Variants in BMPER observed in about 807,000 individuals in gnomAD.
BMPER encodes BMP binding endothelial regulator, also known as BMP-binding endothelial regulator protein.
Under a neutral mutation model 87.3 loss-of-function variants are expected in BMPER, and 45 were observed. The ratio of observed to expected loss-of-function variants is 0.52; its 90% confidence interval spans 0.41 to 0.66. The LOEUF is 0.66. BMPER is among the 30% of genes least tolerant of loss of function. The pLI is 0.00. For synonymous variants in BMPER, 326 were observed against 316.2 expected (o/e 1.03, Z -0.33); for missense variants, 784 against 867.5 (o/e 0.90, Z 1.21).
chr7:33,972,975 A>G (rs1365239360), intron 5 of BMPER, among the ~76,000 whole-genome samples: 1 of 152,178 alleles, frequency 6.6e-6, no homozygotes, highest in Admixed American at 6.5e-5. Flanking sequence ...TTCCTTGGTC[A>G]CTCAGAAGGA....
intron 6 of BMPER, among the ~76,000 whole-genome samples, chr7:33,990,992 T>G (rs1786196787): frequency 7.3e-6 from 1 of 137,796 alleles, no homozygotes; most frequent in Non-Finnish European, 1.6e-5. Context: ...GATAAGCTTT[T>G]TGATGTGCTG....
chr7:33,981,107 C>G (rs565524130), intron 6 of BMPER, among the ~76,000 whole-genome samples: 33 of 152,320 alleles, frequency 2.2e-4, no homozygotes, highest in Non-Finnish European at 4.6e-4. Context: ...TCTGGCCACT[C>G]TGGCCTTCAG....
intron 6 of BMPER, among the ~76,000 whole-genome samples, chr7:34,019,328 C>G (rs958056446): frequency 6.6e-6 from 1 of 152,030 alleles, no homozygotes; most frequent in Non-Finnish European, 1.5e-5. Context: ...AGGCTAGGAG[C>G]CATTCTCTCG....
intron 1 of BMPER, among the ~76,000 whole-genome samples, chr7:33,906,489 G>A (rs1042526018): frequency 7.2e-5 from 11 of 151,938 alleles, no homozygotes; most frequent in Admixed American, 5.9e-4. Flanking sequence ...TTTGCGTATG[G>A]GGCTGTGTGC....
At chr7:33,921,721 G>A in intron 2 of BMPER, 3 of 471,042 alleles carry the variant, frequency 6.4e-6, no homozygotes, top group Non-Finnish European at 1.3e-5. Context: ...GTCTTTCTGG[G>A]ATGGGTAGCA....
intron 2 of BMPER, among the ~76,000 whole-genome samples, chr7:33,936,051 C>G (rs1037714119): frequency 7.3e-5 from 11 of 151,382 alleles, no homozygotes; most frequent in Admixed American, 7.2e-4. Flanking sequence ...ACATGCACAC[C>G]CACACACACA....
chr7:33,950,535 C>T (rs1477719246), intron 3 of BMPER, among the ~76,000 whole-genome samples: 1 of 152,166 alleles, frequency 6.6e-6, no homozygotes, highest in Non-Finnish European at 1.5e-5. Context: ...CTCTTCTAAG[C>T]TCACGTGGCT....
intron 5 of BMPER, among the ~76,000 whole-genome samples, chr7:33,973,880 C>T (rs761769247): frequency 6.6e-6 from 1 of 152,082 alleles, no homozygotes; most frequent in Non-Finnish European, 1.5e-5. Context: ...GTTTGTGCAT[C>T]GTGCCATTTA....
intron 6 of BMPER, among the ~76,000 whole-genome samples, chr7:34,007,270 T>C (rs1443855192): frequency 6.6e-6 from 1 of 152,086 alleles, no homozygotes; most frequent in Admixed American, 6.6e-5. Flanking sequence ...TTCCTGTACT[T>C]TGCTCTTAAG....
chr7:34,114,886 A>G (rs2127987386), intron 13 of BMPER, among the ~76,000 whole-genome samples: 1 of 152,386 alleles, frequency 6.6e-6, no homozygotes, highest in East Asian at 1.9e-4. Context: ...GGTTGGAGAG[A>G]TGGCCCAGGC....
At chr7:33,994,339 C>A (rs1043477893) in intron 6 of BMPER, among the ~76,000 whole-genome samples, 4 of 152,222 alleles carry the variant, frequency 2.6e-5, no homozygotes, top group East Asian at 1.9e-4. Context: ...GTTTTTTAAG[C>A]CCGTCGGAAA....
intron 2 of BMPER, among the ~76,000 whole-genome samples, chr7:33,920,495 G>A (rs7790049): frequency 0.048 from 6,577 of 137,228 alleles, 202 homozygotes; most frequent in Middle Eastern, 0.12. Context: ...GTGCGATCTC[G>A]GCTTACTGCA....
At chr7:34,077,413 A>C (rs1487343980) in intron 11 of BMPER, among the ~76,000 whole-genome samples, 3 of 152,134 alleles carry the variant, frequency 2.0e-5, no homozygotes, top group Non-Finnish European at 2.9e-5. Flanking sequence ...GGTGAATTTG[A>C]GTATTACTGC....
rs528284896 is a variant in BMPER at position 33,935,913 on chromosome 7, G to A, written c.220-1376G>A. On this transcript the variant is annotated intron_variant, in intron 2 of 14. Coordinates refer to ENST00000649409, the MANE Select transcript of BMPER (RefSeq NM_001365308.1). The stretch of plus-strand genomic sequence containing the variant: ...GCTTATTGTTTCTGTGCCTCAGTTG[G>A]CCTTGCAAAAGCCACGAGGGCAGGG... Among the ~76,000 whole-genome samples, 6 of 152,274 alleles carry A rather than the reference G, an allele frequency of 3.9e-5. No individual in the cohort carries two copies. In the East Asian group the frequency reaches 7.7e-4, roughly 20 times the overall value.
intron 6 of BMPER, among the ~76,000 whole-genome samples, chr7:34,043,572 G>T (rs912425758): frequency 6.6e-6 from 1 of 152,130 alleles, no homozygotes; most frequent in Non-Finnish European, 1.5e-5. Flanking sequence ...TAGCTCGAGT[G>T]GGTTGAACTT....
intron 13 of BMPER, among the ~76,000 whole-genome samples, chr7:34,106,107 G>A (rs888533878): frequency 6.6e-6 from 1 of 152,090 alleles, no homozygotes; most frequent in African/African-American, 2.4e-5. Flanking sequence ...GCTCTACTGG[G>A]GGCACACTCC....
chr7:34,080,038 A>C (rs774420083), intron 12 of BMPER, among the ~76,000 whole-genome samples: 1 of 152,188 alleles, frequency 6.6e-6, no homozygotes, highest in Non-Finnish European at 1.5e-5. Flanking sequence ...GGTTCCTTCC[A>C]TGCTACCTTT....
intron 6 of BMPER, among the ~76,000 whole-genome samples, chr7:34,034,522 C>A (rs976832285): frequency 2.9e-4 from 44 of 152,178 alleles, no homozygotes; most frequent in African/African-American, 1.0e-3. Flanking sequence ...GCCACTACTT[C>A]CACCATCTTT....
intron 3 of BMPER, among the ~76,000 whole-genome samples, chr7:33,956,377 A>G (rs1358690066): frequency 6.6e-6 from 1 of 152,220 alleles, no homozygotes; most frequent in Non-Finnish European, 1.5e-5. Flanking sequence ...AAGATGTTTA[A>G]CATCATTAGC....
Sources: gnomAD v4.1 joint callset for allele counts (sites outside exome capture counted in the v4.1 genomes callset) on GRCh38, gnomAD v4.1.1 for gene constraint, MANE v1.5 for transcripts, NCBI Gene and HGNC (gene_info 2026-07-23, HGNC 2026-07-21) for gene names.